SPATS2: variants seen among roughly 807,000 people sequenced by gnomAD.
SPATS2 encodes spermatogenesis-associated serine-rich protein 2.
A neutral mutation model predicts 63.7 loss-of-function variants in SPATS2; 38 were observed. The ratio of observed to expected loss-of-function variants is 0.60; its 90% CI spans 0.46 to 0.78. The LOEUF is 0.78. SPATS2 is among the 30% of genes least tolerant of loss of function. The pLI is 0.00. For missense variants in SPATS2, 588 were observed against 666.2 expected, an observed-to-expected ratio of 0.88 and a Z score of 1.29; for synonymous variants, 207 against 232.9, an observed-to-expected ratio of 0.89 and a Z score of 1.01.
chr12:49,432,817 A>G (rs1945208578), intron 2 of SPATS2, among the ~76,000 whole-genome samples: 1 of 152,162 alleles, frequency 6.6e-6, no homozygotes, highest in Non-Finnish European at 1.5e-5. Context: ...TTATCTATTC[A>G]TCCTTTGATA....
intron 3 of SPATS2, among the ~76,000 whole-genome samples, chr12:49,471,707 C>T (rs947458612): frequency 2.6e-5 from 4 of 152,190 alleles, no homozygotes; most frequent in Non-Finnish European, 5.9e-5. Flanking sequence ...ACAACCATTA[C>T]TGTCATTCAT....
rs1944420725 is a variant in SPATS2 at position 49,391,634 on chromosome 12, A to G, written c.-244+20344A>G. Among the ~76,000 whole-genome samples the G allele has an allele frequency of 2.0e-5, 3 of 152,380 alleles. No individual in the cohort carries two copies. The South Asian group carries it at 6.2e-4, about 32-fold the overall frequency. ...CTAAATTTTCTAATGTTGTGATTGT[A>G]GTAAAAAGGGATAAAAGAAGAGTGT... On this transcript the variant is annotated intron_variant, in intron 2 of 13. Transcript: ENST00000552918.
chr12:49,517,569 C>T (rs1946871338), intron 10 of SPATS2, among the ~76,000 whole-genome samples: 1 of 152,056 alleles, frequency 6.6e-6, no homozygotes, highest in Admixed American at 6.6e-5. Context: ...GGTAAGCAAC[C>T]CAGGGCTGGC....
intron 4 of SPATS2, among the ~76,000 whole-genome samples, chr12:49,485,466 A>G (rs1345427420): frequency 6.6e-6 from 1 of 151,866 alleles, no homozygotes; most frequent in Non-Finnish European, 1.5e-5. Context: ...GGTTCAAGTG[A>G]TTCTTGTGCC....
chr12:49,379,303 T>A (rs944438199), intron 2 of SPATS2, among the ~76,000 whole-genome samples: 1 of 150,448 alleles, frequency 6.6e-6, no homozygotes, highest in African/African-American at 2.4e-5. Flanking sequence ...ATCCTAGCAC[T>A]CTGGGAGGCT....
At chr12:49,437,971 C>T (rs1276812831) in intron 2 of SPATS2, among the ~76,000 whole-genome samples, 1 of 152,032 alleles carries the variant, frequency 6.6e-6, no homozygotes, top group Non-Finnish European at 1.5e-5. Flanking sequence ...AAAAAGCTTT[C>T]AAGTTGTTTT....
intron 8 of SPATS2, 83 bp downstream of exon 8, chr12:49,497,092 A>G: frequency 7.3e-7 from 1 of 1,361,496 alleles, no homozygotes; most frequent in Non-Finnish European, 1.0e-6. Context: ...GTTGCCATAA[A>G]TAAGGTTTCA....
chr12:49,524,460 C>T (rs7301723), intron 12 of SPATS2, among the ~76,000 whole-genome samples: 13,396 of 152,138 alleles, frequency 0.088, 694 homozygotes, highest in African/African-American at 0.13. Context: ...TAACTGTTCT[C>T]TTGTCTAAGA....
intron 3 of SPATS2, among the ~76,000 whole-genome samples, chr12:49,472,711 T>C (rs1946057085): frequency 6.6e-6 from 1 of 150,436 alleles, no homozygotes; most frequent in Non-Finnish European, 1.5e-5. Flanking sequence ...GAAATAACTG[T>C]AATACTGATC....
intron 2 of SPATS2, among the ~76,000 whole-genome samples, chr12:49,457,751 C>T (rs1945745445): frequency 2.0e-5 from 3 of 152,222 alleles, no homozygotes; most frequent in South Asian, 2.1e-4. Context: ...TTTTCTTTAA[C>T]CTGAGGACAT....
chr12:49,484,838 C>T (rs1946262577), intron 4 of SPATS2, among the ~76,000 whole-genome samples, 169 bp downstream of exon 4: 1 of 152,070 alleles, frequency 6.6e-6, no homozygotes, highest in Non-Finnish European at 1.5e-5. Flanking sequence ...TTGCGCAGAA[C>T]CTATTAACAG....
intron 2 of SPATS2, among the ~76,000 whole-genome samples, chr12:49,377,949 A>G (rs1186646027): frequency 6.6e-6 from 1 of 152,044 alleles, no homozygotes; most frequent in African/African-American, 2.4e-5. Context: ...TAGAGTTGTC[A>G]TGATTGTTGC....
At position 49,367,464 on chromosome 12, in the gene SPATS2, C is replaced by T; in HGVS notation, c.-430C>T. 5.0e-6 allele frequency: 2 copies of T among 400,002 alleles called. No individual in the cohort carries two copies. Among genetic ancestry groups the T allele is most frequent in the East Asian group, 3.6e-5 (1 of 28,084 alleles). The allele number at this position is 400,002 out of a possible 1,614,324, so 24.8% of individuals were successfully genotyped here. A position where few individuals can be genotyped will look rare whatever the true frequency, so the allele number is the denominator to read the frequency against. On this transcript the variant is annotated 5_prime_UTR_variant, in exon 1 of 14. Coordinates refer to ENST00000552918, the MANE Select transcript of SPATS2 (RefSeq NM_023071.4). ...GAGAGCTGGGGGAGGAGCGCGGCGG[C>T]GACGGCGGCGGTGGCTCTAGAAGGG...
At chr12:49,393,066 A>G (rs1944446752) in intron 2 of SPATS2, among the ~76,000 whole-genome samples, 2 of 152,306 alleles carry the variant, frequency 1.3e-5, no homozygotes, top group Middle Eastern at 3.4e-3. Context: ...AAATAGTAAT[A>G]TAGAAACATC....
intron 3 of SPATS2, among the ~76,000 whole-genome samples, chr12:49,470,330 C>A (rs1946013516): frequency 6.6e-6 from 1 of 152,136 alleles, no homozygotes; most frequent in African/African-American, 2.4e-5. Context: ...CCACTCCTGA[C>A]CCCATTTCTC....
At chr12:49,431,661 A>C (rs1945188631) in intron 2 of SPATS2, among the ~76,000 whole-genome samples, 1 of 152,194 alleles carries the variant, frequency 6.6e-6, no homozygotes, top group African/African-American at 2.4e-5. Flanking sequence ...TTGCTCTTAT[A>C]AATAATGTTG....
intron 2 of SPATS2, among the ~76,000 whole-genome samples, chr12:49,380,044 A>G (rs954309547): frequency 2.0e-5 from 3 of 152,036 alleles, no homozygotes; most frequent in Non-Finnish European, 2.9e-5. Flanking sequence ...GGATGTACCT[A>G]TTCTGTATAT....
At chr12:49,386,667 C>T (rs1477120818) in intron 2 of SPATS2, among the ~76,000 whole-genome samples, 1 of 151,890 alleles carries the variant, frequency 6.6e-6, no homozygotes. Flanking sequence ...GAATTCTAAC[C>T]GGGTAAGGAG....
At chr12:49,484,506 G>A (rs563948312) in intron 3 of SPATS2, 84 bp from the exon 4 acceptor site, 54 of 1,341,808 alleles carry the variant, frequency 4.0e-5, no homozygotes, top group Admixed American at 3.5e-4. Flanking sequence ...TTTATGGGAC[G>A]AAAGCAGCCA....
Sources: allele counts gnomAD v4.1 joint callset (sites outside exome capture counted in the v4.1 genomes callset), GRCh38; gene constraint gnomAD v4.1.1; transcripts MANE v1.5; gene names NCBI Gene and HGNC (gene_info 2026-07-23, HGNC 2026-07-21).